The following KCNMA1 variants were observed in gnomAD, a reference collection of about 807,000 sequenced individuals.
KCNMA1 encodes the protein Calcium-activated potassium channel subunit alpha-1.
A neutral mutation model predicts 140.0 loss-of-function variants in KCNMA1; 29 were observed. That is an observed-to-expected ratio of 0.21 (90% CI 0.15 to 0.28). KCNMA1 has a LOEUF of 0.28. Among genes scored for constraint, KCNMA1 ranks in the 10% least tolerant of loss-of-function variants. The pLI is 1.00. For missense variants in KCNMA1, 880 were observed against 1,602.2 expected, an observed-to-expected ratio of 0.55 and a Z score of 7.70; for synonymous variants, 612 against 611.9, an observed-to-expected ratio of 1.00 and a Z score of 0.00.
intron 20 of KCNMA1, among the ~76,000 whole-genome samples, chr10:76,957,077 G>C (rs1224696764): frequency 7.4e-6 from 1 of 134,770 alleles, no homozygotes; most frequent in African/African-American, 2.9e-5. Context: ...GCAGTGAGCC[G>C]AGATCACGCC....
At chr10:77,497,489 G>A (rs1221342117) in intron 1 of KCNMA1, among the ~76,000 whole-genome samples, 1 of 152,196 alleles carries the variant, frequency 6.6e-6, no homozygotes, top group Non-Finnish European at 1.5e-5. Flanking sequence ...AACCAATGCT[G>A]CTTTCTTGCA....
intron 1 of KCNMA1, among the ~76,000 whole-genome samples, chr10:77,577,941 C>G (rs1241580952): frequency 6.6e-6 from 1 of 152,218 alleles, no homozygotes; most frequent in Non-Finnish European, 1.5e-5. Context: ...CCAGTAAGGA[C>G]CAAACAGGTG....
intron 19 of KCNMA1, among the ~76,000 whole-genome samples, chr10:76,991,751 T>C (rs577840738): frequency 6.6e-6 from 1 of 152,288 alleles, no homozygotes; most frequent in South Asian, 2.1e-4. Context: ...ATTTTTGACC[T>C]TGGAGGGAGG....
At chr10:77,403,123 G>C (rs764817884) in intron 2 of KCNMA1, among the ~76,000 whole-genome samples, 14 of 152,144 alleles carry the variant, frequency 9.2e-5, no homozygotes, top group Admixed American at 6.5e-4. Context: ...GCCTGTCCCA[G>C]TAATGATCCT....
At chr10:76,884,705 G>A (rs78443699), downstream of KCNMA1, among the ~76,000 whole-genome samples, 276 of 151,504 alleles carry the variant, frequency 1.8e-3, no homozygotes, top group Admixed American at 3.5e-3. Context: ...GGAATCTAGC[G>A]ATAGCAGCAG....
At chr10:77,404,387 T>A (rs535688049) in intron 1 of KCNMA1, among the ~76,000 whole-genome samples, 1 of 152,156 alleles carries the variant, frequency 6.6e-6, no homozygotes, top group South Asian at 2.1e-4. Flanking sequence ...CAAGCAATTC[T>A]CACGCCTCAG....
At chr10:77,571,449 A>C (rs762705208) in intron 1 of KCNMA1, among the ~76,000 whole-genome samples, 4 of 152,200 alleles carry the variant, frequency 2.6e-5, no homozygotes, top group Non-Finnish European at 4.4e-5. Flanking sequence ...TCACCCAGGC[A>C]GTACAAATTC....
chr10:77,222,546 G>T (rs2050020726), intron 3 of KCNMA1, among the ~76,000 whole-genome samples: 1 of 152,118 alleles, frequency 6.6e-6, no homozygotes, highest in Admixed American at 6.5e-5. Flanking sequence ...GTTCTACCTG[G>T]GTCAGTTCGC....
chr10:77,266,277 A>T (rs2063419285), intron 2 of KCNMA1, among the ~76,000 whole-genome samples: 1 of 152,136 alleles, frequency 6.6e-6, no homozygotes, highest in Non-Finnish European at 1.5e-5. Flanking sequence ...AAAAAAGAAG[A>T]ATGTCCACAT....
intron 1 of KCNMA1, among the ~76,000 whole-genome samples, chr10:77,619,871 A>G (rs1472097483): frequency 6.6e-6 from 1 of 152,186 alleles, no homozygotes; most frequent in African/African-American, 2.4e-5. Context: ...GGAAGGCGGC[A>G]TTCCCAGCAA....
chr10:77,046,138 C>T (rs74610184), intron 14 of KCNMA1, among the ~76,000 whole-genome samples: 1 of 152,210 alleles, frequency 6.6e-6, no homozygotes, highest in African/African-American at 2.4e-5. Context: ...GAACTTACTA[C>T]ATTTACTATT....
chr10:76,971,962 C>T (rs907315404), intron 19 of KCNMA1, among the ~76,000 whole-genome samples: 6 of 144,182 alleles, frequency 4.2e-5, no homozygotes, highest in African/African-American at 1.1e-4. Flanking sequence ...AGAAAGGCAG[C>T]GAGGGTGTGT....
At chr10:76,935,419 T>G (rs1907731) in intron 23 of KCNMA1, among the ~76,000 whole-genome samples, 1 of 152,164 alleles carries the variant, frequency 6.6e-6, no homozygotes, top group Non-Finnish European at 1.5e-5. Flanking sequence ...GAGAAAAGCA[T>G]AGACTTTGAA....
At chr10:77,545,880 C>T (rs574536657) in intron 1 of KCNMA1, among the ~76,000 whole-genome samples, 1 of 152,282 alleles carries the variant, frequency 6.6e-6, no homozygotes, top group East Asian at 1.9e-4. Context: ...GCACTGACCC[C>T]ACTACCCTGT....
At chr10:77,341,096 A>C (rs1415623951) in intron 2 of KCNMA1, among the ~76,000 whole-genome samples, 4 of 152,164 alleles carry the variant, frequency 2.6e-5, no homozygotes, top group Admixed American at 2.6e-4. Context: ...CCTGGATTCT[A>C]GTCCTAACTC....
intron 2 of KCNMA1, among the ~76,000 whole-genome samples, chr10:77,295,758 G>A (rs559420539): frequency 2.4e-4 from 31 of 128,924 alleles, no homozygotes; most frequent in Admixed American, 2.4e-3. Flanking sequence ...TCCACAGTCC[G>A]GCCTGGGCGA....
intron 16 of KCNMA1, 37 bp downstream of exon 16, chr10:77,027,786 A>C (rs200991834): frequency 6.3e-7 from 1 of 1,576,780 alleles, no homozygotes; most frequent in African/African-American, 1.4e-5. Context: ...CTCACCATCA[A>C]AAGTGTCAGC....
intron 3 of KCNMA1, among the ~76,000 whole-genome samples, chr10:77,200,387 G>A (rs1022158612): frequency 9.9e-5 from 15 of 152,126 alleles, no homozygotes; most frequent in African/African-American, 3.6e-4. Context: ...AAATCCCCAC[G>A]GAAAAAAGTA....
chr10:77,084,931 T>G (rs2096658705), intron 11 of KCNMA1, among the ~76,000 whole-genome samples: 1 of 152,080 alleles, frequency 6.6e-6, no homozygotes, highest in Admixed American at 6.5e-5. Flanking sequence ...TGTTGGAGGG[T>G]ACAACATGTA....
Sources: allele counts gnomAD v4.1 joint callset (sites outside exome capture counted in the v4.1 genomes callset), GRCh38; gene constraint gnomAD v4.1.1; transcripts MANE v1.5; gene names NCBI Gene and HGNC (gene_info 2026-07-23, HGNC 2026-07-21).